Variants in CHRNA7 observed in about 807,000 individuals in gnomAD.
CHRNA7 encodes the protein neuronal acetylcholine receptor subunit alpha-7.
CHRNA7 carries 17 observed loss-of-function variants against 48.0 expected under a neutral mutation model. The observed-to-expected ratio is 0.35, with a 90% confidence interval of 0.24 to 0.53. CHRNA7 has a LOEUF of 0.53. Among genes scored for constraint, CHRNA7 ranks in the 20% least tolerant of loss-of-function variants. The pLI, the probability that CHRNA7 is intolerant of heterozygous loss-of-function variation, is 0.92. For synonymous variants in CHRNA7, 75 were observed against 242.3 expected (o/e 0.31, Z 6.41); for missense variants, 155 against 577.7 (o/e 0.27, Z 7.50).
chr15:32,148,424 G>A (rs1461711181), intron 4 of CHRNA7, among the ~76,000 whole-genome samples: 1 of 152,166 alleles, frequency 6.6e-6, no homozygotes, highest in Non-Finnish European at 1.5e-5. Flanking sequence ...GGCCTCCCGT[G>A]CTCAGCCGTA....
At chr15:32,064,435 C>A (rs940144215) in intron 2 of CHRNA7, among the ~76,000 whole-genome samples, 1 of 151,664 alleles carries the variant, frequency 6.6e-6, no homozygotes, top group Non-Finnish European at 1.5e-5. Flanking sequence ...CATATTAGAG[C>A]CTTTCTCATG....
chr15:32,084,687 G>T (rs1410611976), intron 2 of CHRNA7, among the ~76,000 whole-genome samples: 2 of 152,352 alleles, frequency 1.3e-5, no homozygotes, highest in Non-Finnish European at 2.9e-5. Context: ...TGGACCAGCT[G>T]CCCTGGGAAA....
chr15:32,090,681 A>G (rs956329814), intron 2 of CHRNA7, among the ~76,000 whole-genome samples: 24 of 151,564 alleles, frequency 1.6e-4, no homozygotes, highest in African/African-American at 5.8e-4. Context: ...TGTTGTTATG[A>G]GAGTGATTAA....
At chr15:32,038,829 T>A (rs1014947657) in intron 2 of CHRNA7, among the ~76,000 whole-genome samples, 1 of 152,226 alleles carries the variant, frequency 6.6e-6, no homozygotes, top group Non-Finnish European at 1.5e-5. Context: ...TGAAAGAGAC[T>A]GTAGATAATT....
rs201727782 is a variant in CHRNA7 at position 32,030,892 on chromosome 15, C to T, written c.56-6C>T. The T allele has an allele frequency of 1.2e-6, 2 of 1,613,734 alleles. No homozygotes were observed. The highest frequency in any genetic ancestry group is 1.1e-5 in the South Asian group (1 of 91,058). The stretch of plus-strand genomic sequence containing the variant: ...GAGCCCCCTGCCCGGGTCTTCTCTC[C>T]TTAAGTGTCCCTGCAAGGCGAGTTC... On this transcript the variant is annotated splice_polypyrimidine_tract_variant and splice_region_variant and intron_variant, in intron 1 of 9. Transcript: ENST00000306901.
intron 4 of CHRNA7, among the ~76,000 whole-genome samples, chr15:32,113,632 A>G (rs993951332): frequency 4.6e-5 from 7 of 152,304 alleles, no homozygotes; most frequent in Admixed American, 4.6e-4. Context: ...TGTGTAGCAC[A>G]CTTAGTCTGG....
chr15:32,113,961 G>C (rs2050806137), intron 4 of CHRNA7, among the ~76,000 whole-genome samples: 1 of 149,152 alleles, frequency 6.7e-6, no homozygotes, highest in Non-Finnish European at 1.5e-5. Context: ...GCCCAGCAGT[G>C]AGCTTTGATT....
At chr15:32,038,143 T>C (rs1222103917) in intron 2 of CHRNA7, among the ~76,000 whole-genome samples, 2 of 145,832 alleles carry the variant, frequency 1.4e-5, no homozygotes, top group African/African-American at 2.6e-5. Flanking sequence ...TGTATAAATA[T>C]GTACATACAT....
chr15:32,153,055 A>G (rs1441633835), intron 4 of CHRNA7, among the ~76,000 whole-genome samples: 1 of 152,042 alleles, frequency 6.6e-6, no homozygotes, highest in Non-Finnish European at 1.5e-5. Context: ...TTTCATCGCT[A>G]ACTGTGGAGC....
At chr15:32,139,127 C>A (rs1313759266) in intron 4 of CHRNA7, among the ~76,000 whole-genome samples, 1 of 152,188 alleles carries the variant, frequency 6.6e-6, no homozygotes, top group Non-Finnish European at 1.5e-5. Context: ...AGTCTGTAAT[C>A]TTTTCAGATT....
rs549611712 is a variant in CHRNA7, at chr15:32,032,689, C to T, written c.195+1652C>T. Among the ~76,000 whole-genome samples the T allele has an allele frequency of 6.6e-5, 10 of 152,238 alleles. No homozygotes were observed. In the South Asian group the frequency reaches 2.1e-3, roughly 32 times the overall value. On this transcript the variant is annotated intron_variant, in intron 2 of 9. Coordinates refer to ENST00000306901, the MANE Select transcript of CHRNA7 (RefSeq NM_000746.6). ...GGCTGTCACACTGTTTGTGTCTGCT[C>T]CACAGCTGTCTCTCTTGGAGTGGGT...
At chr15:32,057,186 T>C (rs2049801312) in intron 2 of CHRNA7, among the ~76,000 whole-genome samples, 1 of 152,228 alleles carries the variant, frequency 6.6e-6, no homozygotes, top group Admixed American at 6.5e-5. Flanking sequence ...TTAGGTTGCC[T>C]TTGTTAAGTA....
intron 2 of CHRNA7, among the ~76,000 whole-genome samples, chr15:32,045,893 C>G (rs567534669): frequency 1.1e-4 from 16 of 146,404 alleles, no homozygotes; most frequent in African/African-American, 3.0e-4. Flanking sequence ...TGTTCAATTC[C>G]CATCTATGAG....
At chr15:32,110,382 C>T (rs961657973) in intron 3 of CHRNA7, among the ~76,000 whole-genome samples, 1 of 152,212 alleles carries the variant, frequency 6.6e-6, no homozygotes, top group Non-Finnish European at 1.5e-5. Flanking sequence ...CATTAGAGAC[C>T]CCAGCAGGCA....
chr15:32,168,457 A>AACC lies in CHRNA7; in HGVS notation c.*2_*4dup, dbSNP rs1368605561. On this transcript the variant is annotated inframe_insertion and stop_retained_variant, in exon 10 of 10. Transcript: ENST00000306901. ...GAGGCCGTGTCCAAAGACTTTGCGT[A>AACC]ACCACGCCTGGTTCTGTACATGTGG... is the stretch of plus-strand genomic sequence containing the variant. 2.6e-5 allele frequency: 13 copies of AACC among 491,170 alleles called. No individual in the cohort carries two copies. The South Asian group carries it at 2.7e-4, about 10-fold the overall frequency. The allele number at this position is 491,170 out of a possible 1,614,324, so 30.4% of individuals were successfully genotyped here. A position where few individuals can be genotyped will look rare whatever the true frequency, so the allele number is the denominator to read the frequency against.
intron 3 of CHRNA7, among the ~76,000 whole-genome samples, chr15:32,105,178 AAACTCACCTTTT>A (rs1426940192): frequency 1.3e-5 from 2 of 152,220 alleles, no homozygotes; most frequent in African/African-American, 4.8e-5. Flanking sequence ...ATTTGTTTGA[AAACTCACCTTTT>A]AACTCACCTC....
chr15:32,122,887 CAAAA>C (rs61151556), intron 4 of CHRNA7, among the ~76,000 whole-genome samples: 1 of 107,912 alleles, frequency 9.3e-6, no homozygotes, highest in Middle Eastern at 4.6e-3. Flanking sequence ...GCTCTCAAAG[CAAAA>C]AAAAAAAAAA....
intron 4 of CHRNA7, among the ~76,000 whole-genome samples, chr15:32,137,226 C>T (rs2051285867): frequency 6.6e-6 from 1 of 151,398 alleles, no homozygotes; most frequent in African/African-American, 2.4e-5. Context: ...TTAAATCGAA[C>T]GATAGACTGT....
chr15:32,066,658 C>T (rs2049972270), intron 2 of CHRNA7, among the ~76,000 whole-genome samples: 1 of 152,116 alleles, frequency 6.6e-6, no homozygotes, highest in Admixed American at 6.5e-5. Flanking sequence ...AAGCAGATGG[C>T]ATATACAGAG....
Sources: gnomAD v4.1 joint callset for allele counts (sites outside exome capture counted in the v4.1 genomes callset) on GRCh38, gnomAD v4.1.1 for gene constraint, MANE v1.5 for transcripts, NCBI Gene and HGNC (gene_info 2026-07-23, HGNC 2026-07-21) for gene names.